EIF2AK4: variants seen among roughly 807,000 people sequenced by gnomAD.
The protein encoded by EIF2AK4 is eukaryotic translation initiation factor 2 alpha kinase 4, also known as eIF-2-alpha kinase GCN2.
Under a neutral mutation model 211.1 loss-of-function variants are expected in EIF2AK4, and 139 were observed. That is an observed-to-expected ratio of 0.66 (90% confidence interval 0.57 to 0.76). EIF2AK4 has a LOEUF of 0.76. EIF2AK4 is among the 30% of genes least tolerant of loss of function. The probability of loss-of-function intolerance (pLI) is 0.00; values close to 1 mark genes in which losing one functional copy is unlikely to be tolerated. For missense variants in EIF2AK4, 1,664 were observed against 2,043.8 expected (o/e 0.81, Z 3.58); for synonymous variants, 710 against 751.3 (o/e 0.94, Z 0.90).
chr15:39,966,555 C>T (rs905687631), intron 8 of EIF2AK4, among the ~76,000 whole-genome samples: 8 of 151,154 alleles, frequency 5.3e-5, no homozygotes, highest in South Asian at 2.1e-4. Flanking sequence ...TTTGGGGGAC[C>T]GGAGGATTTT....
At position 39,973,603 on chromosome 15, in the gene EIF2AK4, C is replaced by A; in HGVS notation, c.1672C>A (p.Gln558Lys). ...CTGTTTTATCTCAGATTCTGAAGGACAAGATTATGTTGAGACTGTTATTCC... is the reference window on the plus strand; with the variant it reads ...CTGTTTTATCTCAGATTCTGAAGGAAAAGATTATGTTGAGACTGTTATTCC... Reference protein sequence around the residue: ...VEQSPEDSEGQDYVETVIPSN... With the variant: ...VEQSPEDSEGKDYVETVIPSN... Residue 558 changes from glutamine (Q) to lysine (K), a missense_variant, in exon 11 of 39, where the codon CAA becomes AAA. By Grantham distance (53) the Gln-to-Lys change is moderately conservative. This residue lies in a region of EIF2AK4 where 641 missense variants were observed against 729.6 expected (regional missense o/e 0.88). Coordinates refer to ENST00000263791, the MANE Select transcript of EIF2AK4 (RefSeq NM_001013703.4). 1 of 1,611,536 alleles carries A rather than the reference C, an allele frequency of 6.2e-7. No individual in the cohort carries two copies. The highest frequency in any genetic ancestry group is 8.5e-7 in the Non-Finnish European group (1 of 1,178,762).
At chr15:40,010,678 T>C (rs1348647083) in intron 26 of EIF2AK4, among the ~76,000 whole-genome samples, 1 of 152,206 alleles carries the variant, frequency 6.6e-6, no homozygotes, top group Non-Finnish European at 1.5e-5. Context: ...TAATGGCTTA[T>C]TGTTTTTATA....
At chr15:39,948,260 G>A (rs1034839323) in intron 3 of EIF2AK4, among the ~76,000 whole-genome samples, 1 of 152,146 alleles carries the variant, frequency 6.6e-6, no homozygotes, top group Non-Finnish European at 1.5e-5. Flanking sequence ...TTTAGAAACG[G>A]TTTCAAACAT....
At chr15:39,998,877 T>G (rs2035056796) in intron 20 of EIF2AK4, 93 bp downstream of exon 20, 2 of 1,062,382 alleles carry the variant, frequency 1.9e-6, no homozygotes. Flanking sequence ...CTGCCACTCA[T>G]TCTCTTGTGT....
At position 39,979,587 on chromosome 15, in the gene EIF2AK4, A is replaced by G. The variant is rs2034751316; in HGVS notation, c.2319+1440A>G. On this transcript the variant is annotated intron_variant, in intron 13 of 38. Transcript: ENST00000263791. ...TTTTTAAAATGCTTCTACATGTAAAATGTACTGACAAATTTTGGTAAACCA... is the reference window on the plus strand; with the variant it reads ...TTTTTAAAATGCTTCTACATGTAAAGTGTACTGACAAATTTTGGTAAACCA... Among the ~76,000 whole-genome samples, 3 of 152,230 alleles carry G rather than the reference A, an allele frequency of 2.0e-5. No homozygotes were observed. In the South Asian group the frequency reaches 6.2e-4, roughly 32 times the overall value.
At chr15:39,996,022 C>G (rs904744044) in intron 18 of EIF2AK4, among the ~76,000 whole-genome samples, 1 of 152,110 alleles carries the variant, frequency 6.6e-6, no homozygotes, top group African/African-American at 2.4e-5. Context: ...GACCCCCAGT[C>G]CCCAGCCCCT....
intron 6 of EIF2AK4, among the ~76,000 whole-genome samples, chr15:39,961,234 G>A (rs886339288): frequency 6.6e-6 from 1 of 152,202 alleles, no homozygotes; most frequent in Admixed American, 6.5e-5. Context: ...AATGGCTGGA[G>A]GCCCAGTTGG....
At chr15:39,997,687 C>T (rs1196024918) in intron 19 of EIF2AK4, among the ~76,000 whole-genome samples, 1 of 152,154 alleles carries the variant, frequency 6.6e-6, no homozygotes, top group Non-Finnish European at 1.5e-5. Flanking sequence ...ATATCTGCCC[C>T]TTGAAATGTT....
chr15:39,991,344 G>T (rs936810987), intron 16 of EIF2AK4: 6 of 152,244 alleles, frequency 3.9e-5, no homozygotes, highest in South Asian at 2.1e-4. Flanking sequence ...CCAAACTAAA[G>T]AATTTAACTT....
Position 39,967,797 on chromosome 15 carries a change from C to G in EIF2AK4, c.1471C>G (p.Leu491Val). 1 of 1,614,222 alleles carries G rather than the reference C, an allele frequency of 6.2e-7. No individual in the cohort carries two copies. Among genetic ancestry groups the G allele is most frequent in the Non-Finnish European group, 8.5e-7 (1 of 1,180,036 alleles). Residue 491 changes from leucine to valine, a missense_variant, in exon 9 of 39, where the codon CTC becomes GTC. Around this residue, in one of 7 missense-constraint regions of EIF2AK4, gnomAD observed 641 missense variants for 729.6 expected, o/e 0.88. Coordinates refer to ENST00000263791, the MANE Select transcript of EIF2AK4 (RefSeq NM_001013703.4). ...VWRLGLLLLS[L>V]SQGQECGEYP... ...GCGTCTTGGCCTTCTGCTGCTGTCC[C>G]TCAGCCAAGGACAGGAATGTGGAGA... is the stretch of plus-strand genomic sequence containing the variant.
chr15:39,937,402 C>T (rs1829638392), intron 1 of EIF2AK4, among the ~76,000 whole-genome samples: 2 of 152,078 alleles, frequency 1.3e-5, no homozygotes, highest in South Asian at 4.1e-4. Flanking sequence ...CTGTGAACTG[C>T]TCATACTCTG....
intron 13 of EIF2AK4, among the ~76,000 whole-genome samples, chr15:39,985,062 G>A (rs1204429181): frequency 1.3e-5 from 2 of 152,174 alleles, no homozygotes; most frequent in Non-Finnish European, 2.9e-5. Context: ...TTAGCATGAA[G>A]GGGTGTTGAA....
Position 40,035,124 on chromosome 15 carries a change from G to T in EIF2AK4, c.*40G>T. The T allele has an allele frequency of 7.4e-7, 1 of 1,352,376 alleles. No individual in the cohort carries two copies. The allele number at this position is 1,352,376 out of a possible 1,614,324, so 83.8% of individuals were successfully genotyped here. ...CGTTAACCTCATTCAAACAGACAGAGGCTTATACTGGAATAATGGAATGTT... is the reference window on the plus strand; with the variant it reads ...CGTTAACCTCATTCAAACAGACAGATGCTTATACTGGAATAATGGAATGTT... On this transcript the variant is annotated 3_prime_UTR_variant, in exon 39 of 39. Coordinates refer to ENST00000263791, the MANE Select transcript of EIF2AK4 (RefSeq NM_001013703.4).
At chr15:39,986,722 G>C (rs1003667868) in intron 14 of EIF2AK4, among the ~76,000 whole-genome samples, 6 of 152,230 alleles carry the variant, frequency 3.9e-5, no homozygotes, top group African/African-American at 7.2e-5. Flanking sequence ...AGGCATGGTG[G>C]TGTGCTCCTG....
Position 40,009,697 on chromosome 15 carries a change from C to A in EIF2AK4, c.3660C>A (p.Leu1220=). ...ACTGTGGGATCCCAGAAGATAAACT[C>A]AGTCAAGTCTACATTATTCTGTATG... ...LLHCGIPEDK[L]SQVYIILYDA... The change falls in exon 26 of 39, where the codon CTC becomes CTA. Residue 1220 remains leucine, a synonymous_variant. Coordinates refer to ENST00000263791, the MANE Select transcript of EIF2AK4 (RefSeq NM_001013703.4). 2.5e-6 allele frequency: 4 copies of A among 1,608,398 alleles called. No homozygotes were observed. The African/African-American group carries it at 4.0e-5, about 16-fold the overall frequency.
intron 29 of EIF2AK4, among the ~76,000 whole-genome samples, chr15:40,018,465 C>CT (rs1379698448): frequency 2.0e-5 from 3 of 151,418 alleles, no homozygotes; most frequent in African/African-American, 7.3e-5. Flanking sequence ...GTCTCACACT[C>CT]TTTTTTCTCT....
At chr15:39,939,643 A>G in intron 2 of EIF2AK4, 26 bp downstream of exon 2, 1 of 1,559,638 alleles carries the variant, frequency 6.4e-7, no homozygotes. Context: ...AATAGCTTTG[A>G]CGTGGTTTCA....
chr15:39,965,919 G>T, intron 8 of EIF2AK4, 76 bp downstream of exon 8: 1 of 1,554,482 alleles, frequency 6.4e-7, no homozygotes, highest in Non-Finnish European at 8.7e-7. Context: ...AAATAGCCCT[G>T]CATTTGTTTG....
In EIF2AK4 at chr15:39,988,116, C is replaced by T. The variant is rs1180624643; in HGVS notation, c.2526+11C>T. ...TATATCCATGAGAAAGTAAACTTTACAACATTTCATATCTGAAGACTTATG... is the reference window on the plus strand; with the variant it reads ...TATATCCATGAGAAAGTAAACTTTATAACATTTCATATCTGAAGACTTATG... On this transcript the variant is annotated intron_variant, in intron 15 of 38. Coordinates refer to ENST00000263791, the MANE Select transcript of EIF2AK4 (RefSeq NM_001013703.4). 6.2e-7 allele frequency: 1 copy of T among 1,613,408 alleles called. No individual in the cohort carries two copies. The highest frequency in any genetic ancestry group is 8.5e-7 in the Non-Finnish European group (1 of 1,179,718).
Sources: allele counts gnomAD v4.1 joint callset (sites outside exome capture counted in the v4.1 genomes callset), GRCh38; gene constraint gnomAD v4.1.1; regional missense constraint gnomAD v4.1.1; transcripts MANE v1.5; gene names NCBI Gene and HGNC (gene_info 2026-07-23, HGNC 2026-07-21).